HS6ST3: variants seen among roughly 807,000 people sequenced by gnomAD.
HS6ST3 encodes heparan sulfate 6-O-sulfotransferase 3, also known as heparan-sulfate 6-O-sulfotransferase 3.
In HS6ST3, 12 loss-of-function variants were observed where a neutral mutation model predicts 36.7. The observed-to-expected ratio is 0.33, with a 90% confidence interval of 0.21 to 0.53. HS6ST3 has a LOEUF of 0.53. Ranked by LOEUF, HS6ST3 falls within the 20% of genes least tolerant of loss-of-function variation. The pLI, the probability that HS6ST3 is intolerant of heterozygous loss-of-function variation, is 0.95. For synonymous variants in HS6ST3, 240 were observed against 257.5 expected (o/e 0.93, Z 0.65); for missense variants, 584 against 640.9 (o/e 0.91, Z 0.96).
chr13:96,159,718 A>G (rs974871645), intron 1 of HS6ST3, among the ~76,000 whole-genome samples: 2 of 152,244 alleles, frequency 1.3e-5, no homozygotes, highest in Non-Finnish European at 2.9e-5. Context: ...TCTAATGTTC[A>G]TTGTATGAGG....
chr13:96,642,783 T>C (rs200313889), intron 1 of HS6ST3, among the ~76,000 whole-genome samples: 1 of 151,996 alleles, frequency 6.6e-6, no homozygotes, highest in East Asian at 1.9e-4. Flanking sequence ...CTCTATTTGG[T>C]GAGGCATCAG....
chr13:96,787,277 C>G (rs1877675233), intron 1 of HS6ST3, among the ~76,000 whole-genome samples: 1 of 152,036 alleles, frequency 6.6e-6, no homozygotes, highest in Non-Finnish European at 1.5e-5. Context: ...ATTCCTACCA[C>G]AGGAGTGATA....
At chr13:96,738,752 C>T (rs995992641) in intron 1 of HS6ST3, among the ~76,000 whole-genome samples, 1 of 152,132 alleles carries the variant, frequency 6.6e-6, no homozygotes, top group Admixed American at 6.5e-5. Context: ...TTACATTTTC[C>T]TCTTAATGAG....
intron 1 of HS6ST3, among the ~76,000 whole-genome samples, chr13:96,555,051 G>GC (rs1356763009): frequency 6.6e-6 from 1 of 151,998 alleles, no homozygotes; most frequent in Non-Finnish European, 1.5e-5. Context: ...CTGCACTCCA[G>GC]CCTGGGTAAC....
At chr13:96,802,683 A>G (rs938837235) in intron 1 of HS6ST3, among the ~76,000 whole-genome samples, 4 of 152,190 alleles carry the variant, frequency 2.6e-5, no homozygotes, top group Admixed American at 2.6e-4. Context: ...TTCTCCTTGG[A>G]AACAAGTTGC....
intron 1 of HS6ST3, among the ~76,000 whole-genome samples, chr13:96,193,805 T>C (rs891195317): frequency 8.5e-5 from 13 of 152,214 alleles, no homozygotes; most frequent in Non-Finnish European, 1.9e-4. Flanking sequence ...AAGTTTCTTA[T>C]GGGATTTCAT....
chr13:96,639,913 T>G (rs1356818151), intron 1 of HS6ST3, among the ~76,000 whole-genome samples: 1 of 151,970 alleles, frequency 6.6e-6, no homozygotes, highest in Non-Finnish European at 1.5e-5. Flanking sequence ...GCTGTGTAGT[T>G]TTAGTATTCC....
intron 1 of HS6ST3, among the ~76,000 whole-genome samples, chr13:96,743,120 A>T (rs377290913): frequency 6.6e-6 from 1 of 152,094 alleles, no homozygotes; most frequent in African/African-American, 2.4e-5. Context: ...CTCCAAGAAG[A>T]TCATGCTCCA....
At chr13:96,129,949 A>T (rs2053968237) in intron 1 of HS6ST3, among the ~76,000 whole-genome samples, 1 of 152,188 alleles carries the variant, frequency 6.6e-6, no homozygotes, top group South Asian at 2.1e-4. Flanking sequence ...TGATGAAGCC[A>T]CCATGATGAT....
chr13:96,451,420 A>T (rs1030662245), intron 1 of HS6ST3, among the ~76,000 whole-genome samples: 1 of 152,172 alleles, frequency 6.6e-6, no homozygotes, highest in East Asian at 1.9e-4. Flanking sequence ...TTCATACCAA[A>T]TCTATAAAAT....
At chr13:96,613,179 G>A (rs1248423493) in intron 1 of HS6ST3, among the ~76,000 whole-genome samples, 1 of 152,142 alleles carries the variant, frequency 6.6e-6, no homozygotes, top group Non-Finnish European at 1.5e-5. Flanking sequence ...GTCTCTTTCT[G>A]ATAGAATTTA....
chr13:96,426,683 G>C (rs1233560263), intron 1 of HS6ST3, among the ~76,000 whole-genome samples: 1 of 152,068 alleles, frequency 6.6e-6, no homozygotes, highest in East Asian at 1.9e-4. Context: ...TTTATCTCTG[G>C]AGTCAACTGC....
chr13:96,584,857 A>G (rs941472067), intron 1 of HS6ST3, among the ~76,000 whole-genome samples: 3 of 152,192 alleles, frequency 2.0e-5, no homozygotes, highest in Admixed American at 6.5e-5. Context: ...ATTGTCCCTG[A>G]GAGAAACACT....
chr13:96,164,814 G>T (rs1390871384), intron 1 of HS6ST3, among the ~76,000 whole-genome samples: 1 of 152,162 alleles, frequency 6.6e-6, no homozygotes, highest in African/African-American at 2.4e-5. Context: ...TAATTAGGAT[G>T]AAGCTGGGCC....
chr13:96,574,023 C>T (rs752431613), intron 1 of HS6ST3: 2 of 542,988 alleles, frequency 3.7e-6, no homozygotes, highest in Non-Finnish European at 3.7e-6. Flanking sequence ...ACCAATGACC[C>T]CTGTCTGCTC....
intron 1 of HS6ST3, among the ~76,000 whole-genome samples, chr13:96,231,432 G>A (rs2054507669): frequency 6.6e-6 from 1 of 152,134 alleles, no homozygotes; most frequent in South Asian, 2.1e-4. Flanking sequence ...AAGAATGGTT[G>A]GGGAGGCCTC....
At chr13:96,199,213 T>A (rs2054329577) in intron 1 of HS6ST3, among the ~76,000 whole-genome samples, 1 of 152,162 alleles carries the variant, frequency 6.6e-6, no homozygotes, top group Non-Finnish European at 1.5e-5. Flanking sequence ...GAGATTTGAG[T>A]GGGGACACAG....
At chr13:96,640,423 G>T (rs1441491182) in intron 1 of HS6ST3, among the ~76,000 whole-genome samples, 4 of 151,680 alleles carry the variant, frequency 2.6e-5, no homozygotes, top group Non-Finnish European at 5.9e-5. Context: ...TTTGGTTTTT[G>T]CTTGTTCAAT....
chr13:96,401,906 G>T lies in HS6ST3; in HGVS notation c.707+310337G>T, dbSNP rs1594772382. Among the ~76,000 whole-genome samples the T allele has an allele frequency of 2.0e-5, 3 of 152,288 alleles. No homozygotes were observed. The East Asian group carries it at 5.8e-4, about 29-fold the overall frequency. The stretch of plus-strand genomic sequence containing the variant: ...TATTTATCATTTAACCTCATGCAAT[G>T]TTAATTTGTAGCTTGTGAACTAAAT... On this transcript the variant is annotated intron_variant, in intron 1 of 1. Transcript: ENST00000376705.
Sources: gnomAD v4.1 joint callset for allele counts (sites outside exome capture counted in the v4.1 genomes callset) on GRCh38, gnomAD v4.1.1 for gene constraint, MANE v1.5 for transcripts, NCBI Gene and HGNC (gene_info 2026-07-23, HGNC 2026-07-21) for gene names.